SYT2: variants seen among roughly 807,000 people sequenced by gnomAD.
The protein encoded by SYT2 is synaptotagmin 2, also known as synaptotagmin-2.
In SYT2, 15 loss-of-function variants were observed where a neutral mutation model predicts 39.9. That is an observed-to-expected ratio of 0.38 (90% CI 0.25 to 0.58). The LOEUF (loss-of-function observed/expected upper bound fraction) is 0.58. Ranked by LOEUF, SYT2 falls within the 20% of genes least tolerant of loss-of-function variation. The pLI, the probability that SYT2 is intolerant of heterozygous loss-of-function variation, is 0.70. For missense variants in SYT2, 389 were observed against 530.3 expected (o/e 0.73, Z 2.62); for synonymous variants, 181 against 204.5 (o/e 0.89, Z 0.98).
chr1:202,648,154 A>C (rs148514890), intron 1 of SYT2, among the ~76,000 whole-genome samples: 252 of 152,328 alleles, frequency 1.7e-3, no homozygotes, highest in African/African-American at 5.7e-3. Context: ...ATCTGGACAT[A>C]ATAAGGGCAC....
Position 202,602,691 on chromosome 1 carries a change from A to G in SYT2, c.466-146T>C, listed in dbSNP as rs543507841. 12 of 808,870 alleles carry G rather than the reference A, an allele frequency of 1.5e-5. No individual in the cohort carries two copies. In the African/African-American group the frequency reaches 1.7e-4, roughly 12 times the overall value. The allele number at this position is 808,870 out of a possible 1,614,324, so 50.1% of individuals were successfully genotyped here. A position where few individuals can be genotyped will look rare whatever the true frequency, so the allele number is the denominator to read the frequency against. ...CGGGAGGCTGGTGCTAGAGAGGAAG[A>G]TTGGTCTCCATTTCCATCCCAAGGA... On this transcript the variant is annotated intron_variant, in intron 4 of 8. Coordinates refer to ENST00000367268, the MANE Select transcript of SYT2 (RefSeq NM_177402.5).
At chr1:202,655,703 G>A (rs1225604079) in intron 1 of SYT2, among the ~76,000 whole-genome samples, 1 of 152,178 alleles carries the variant, frequency 6.6e-6, no homozygotes, top group African/African-American at 2.4e-5. Flanking sequence ...TCCAGATGCT[G>A]TCTCTCCAAA....
chr1:202,675,486 G>C (rs1653343204), intron 1 of SYT2, among the ~76,000 whole-genome samples: 1 of 151,994 alleles, frequency 6.6e-6, no homozygotes, highest in Non-Finnish European at 1.5e-5. Context: ...AGTTGAGTTG[G>C]GAGCTCAGCA....
Position 202,689,678 on chromosome 1 carries a change from G to A in SYT2, c.-18+20580C>T, listed in dbSNP as rs111300794. ...GGCAGGGAACACTGTGGGGGAGCAGGGTTTAACTCATTCTCTGTCCAGCAT... is the reference window on the plus strand; with the variant it reads ...GGCAGGGAACACTGTGGGGGAGCAGAGTTTAACTCATTCTCTGTCCAGCAT... On this transcript the variant is annotated intron_variant, in intron 1 of 8. Transcript: ENST00000367268. Among the ~76,000 whole-genome samples, 1,348 of 152,056 alleles carry A rather than the reference G, an allele frequency of 8.9e-3. 17 individuals carry two copies. The highest frequency in any genetic ancestry group is 0.031 in the African/African-American group (1,290 of 41,454).
chr1:202,632,381 G>A (rs1198720852), intron 1 of SYT2: 10 of 199,060 alleles, frequency 5.0e-5, no homozygotes, highest in Non-Finnish European at 8.1e-5. Context: ...AGTGAGACAC[G>A]CAGATATTGG....
At position 202,596,631 on chromosome 1, in the gene SYT2, A is replaced by T; in HGVS notation, c.*126T>A. On this transcript the variant is annotated 3_prime_UTR_variant, in exon 9 of 9. Coordinates refer to ENST00000367268, the MANE Select transcript of SYT2 (RefSeq NM_177402.5). The stretch of plus-strand genomic sequence containing the variant: ...CTTTAAAAAGAGAAAAACAAGGAAA[A>T]ACAAGGACACAACCACCCAACAAAT... 1 of 939,974 alleles carries T rather than the reference A, an allele frequency of 1.1e-6. No homozygotes were observed. The highest frequency in any genetic ancestry group is 1.6e-6 in the Non-Finnish European group (1 of 639,958). 58.2% of individuals were successfully genotyped at this position (939,974 alleles called of 1,614,324 possible).
chr1:202,611,446 G>A (rs534839741), intron 1 of SYT2, among the ~76,000 whole-genome samples: 359 of 152,290 alleles, frequency 2.4e-3, no homozygotes, highest in Non-Finnish European at 4.1e-3. Context: ...CCACCTCCCA[G>A]GTTCAAGTGA....
chr1:202,638,705 T>C (rs1691815951), intron 1 of SYT2, among the ~76,000 whole-genome samples: 1 of 152,242 alleles, frequency 6.6e-6, no homozygotes, highest in Non-Finnish European at 1.5e-5. Context: ...CCCGAGGCCC[T>C]ACACGCTGCA....
chr1:202,687,257 G>A (rs1417795902), intron 1 of SYT2, among the ~76,000 whole-genome samples: 1 of 151,964 alleles, frequency 6.6e-6, no homozygotes, highest in Non-Finnish European at 1.5e-5. Flanking sequence ...CCCAGCCCCT[G>A]GTTTTCTTAT....
At chr1:202,650,468 C>T (rs1446952480) in intron 1 of SYT2, among the ~76,000 whole-genome samples, 1 of 145,256 alleles carries the variant, frequency 6.9e-6, no homozygotes, top group Non-Finnish European at 1.5e-5. Flanking sequence ...CATAGTTTCG[C>T]TCTGTCACCC....
In SYT2 at chr1:202,627,194, C is replaced by T. The variant is rs529971081; in HGVS notation, c.-17-21405G>A. Among the ~76,000 whole-genome samples, 199 of 152,338 alleles carry T rather than the reference C, an allele frequency of 1.3e-3. 1 individual carries two copies. The highest frequency in any genetic ancestry group is 2.5e-3 in the Non-Finnish European group (169 of 68,036). ...CTGTGTGTTCCTCTTGCAGAGACTG[C>T]GTCACTTCTTCCTGGTGTCAAAGGT... is the stretch of plus-strand genomic sequence containing the variant. On this transcript the variant is annotated intron_variant, in intron 1 of 8. Coordinates refer to ENST00000367268, the MANE Select transcript of SYT2 (RefSeq NM_177402.5).
At chr1:202,615,088 C>T (rs1040122457) in intron 1 of SYT2, among the ~76,000 whole-genome samples, 10 of 152,170 alleles carry the variant, frequency 6.6e-5, no homozygotes, top group East Asian at 1.9e-4. Context: ...ATGTCATCCC[C>T]GAGCTCTTAT....
intron 1 of SYT2, among the ~76,000 whole-genome samples, chr1:202,654,441 C>T (rs1412457346): frequency 6.6e-6 from 1 of 152,208 alleles, no homozygotes; most frequent in East Asian, 1.9e-4. Flanking sequence ...CCAGCCTCTC[C>T]GCCCAAGTGC....
At position 202,596,488 on chromosome 1, in the gene SYT2, T is replaced by A; in HGVS notation, c.*269A>T. The A allele has an allele frequency of 2.9e-6, 1 of 348,386 alleles. No individual in the cohort carries two copies. The highest frequency in any genetic ancestry group is 5.2e-6 in the Non-Finnish European group (1 of 191,700). The allele number at this position is 348,386 out of a possible 1,614,324, so 21.6% of individuals were successfully genotyped here. On this transcript the variant is annotated 3_prime_UTR_variant, in exon 9 of 9. Transcript: ENST00000367268. The stretch of plus-strand genomic sequence containing the variant: ...AGGCAGATGTGAAGCTTTGAAAGAG[T>A]CGAGGGAACTGTGACAGGGCATGCA...
chr1:202,638,160 C>T (rs1303750313), intron 1 of SYT2, among the ~76,000 whole-genome samples: 4 of 152,224 alleles, frequency 2.6e-5, no homozygotes, highest in Admixed American at 2.0e-4. Flanking sequence ...ACACAGCAAT[C>T]ACAAAAGCCA....
chr1:202,604,378 C>A, intron 3 of SYT2, 77 bp downstream of exon 3: 1 of 1,486,820 alleles, frequency 6.7e-7, no homozygotes, highest in South Asian at 1.2e-5. Context: ...AGCCCAGGAG[C>A]CTTTGCTTCC....
At chr1:202,645,666 G>T (rs1223269160) in intron 1 of SYT2, among the ~76,000 whole-genome samples, 1 of 152,202 alleles carries the variant, frequency 6.6e-6, no homozygotes, top group Non-Finnish European at 1.5e-5. Context: ...ACTTCTGTAA[G>T]GTTATGTCTG....
intron 1 of SYT2, among the ~76,000 whole-genome samples, chr1:202,618,779 T>C (rs116046200): frequency 0.025 from 3,800 of 152,220 alleles, 128 homozygotes; most frequent in African/African-American, 0.083. Context: ...CCATTTTCCC[T>C]GGGAGACACG....
At position 202,602,244 on chromosome 1, in the gene SYT2, C is replaced by T. The variant is rs1405272330; in HGVS notation, c.633+134G>A. The T allele has an allele frequency of 8.2e-6, 10 of 1,223,378 alleles. 1 individual carries two copies. Among genetic ancestry groups the T allele is most frequent in the South Asian group, 2.8e-5 (2 of 70,290 alleles). The allele number at this position is 1,223,378 out of a possible 1,614,324, so 75.8% of individuals were successfully genotyped here. A position where few individuals can be genotyped will look rare whatever the true frequency, so the allele number is the denominator to read the frequency against. On this transcript the variant is annotated intron_variant, in intron 5 of 8. Transcript: ENST00000367268. ...AGGGATCCCGATCCTCCATAGAGGC[C>T]GGGGTAGCCCTGCAGTCAAGGCTGC...
Sources: allele counts gnomAD v4.1 joint callset (sites outside exome capture counted in the v4.1 genomes callset), GRCh38; gene constraint gnomAD v4.1.1; transcripts MANE v1.5; gene names NCBI Gene and HGNC (gene_info 2026-07-23, HGNC 2026-07-21).